SVEP1: variants seen among roughly 807,000 people sequenced by gnomAD.
SVEP1 encodes the protein sushi, von Willebrand factor type A, EGF and pentraxin domain-containing protein 1.
In SVEP1, 164 loss-of-function variants were observed where a neutral mutation model predicts 367.3. The ratio of observed to expected loss-of-function variants is 0.45; its 90% CI spans 0.39 to 0.51. SVEP1 has a LOEUF of 0.51. SVEP1 is among the 20% of genes least tolerant of loss of function. The pLI, the probability that SVEP1 is intolerant of heterozygous loss-of-function variation, is 0.00. For missense variants in SVEP1, 4,117 were observed against 4,425.3 expected, an observed-to-expected ratio of 0.93 and a Z score of 1.98; for synonymous variants, 1,666 against 1,611.6, an observed-to-expected ratio of 1.03 and a Z score of -0.81.
intron 8 of SVEP1, among the ~76,000 whole-genome samples, chr9:110,494,445 T>C (rs1342000994): frequency 6.6e-6 from 1 of 152,204 alleles, no homozygotes; most frequent in African/African-American, 2.4e-5. Context: ...GAAAGAACTA[T>C]TGGTATACCC....
At chr9:110,473,538 C>A (rs771774690) in intron 14 of SVEP1, among the ~76,000 whole-genome samples, 3 of 152,088 alleles carry the variant, frequency 2.0e-5, no homozygotes, top group Non-Finnish European at 2.9e-5. Flanking sequence ...ATTTAGTAAT[C>A]TTTTTCAAAT....
chr9:110,398,334 A>T (rs1827801766), intron 40 of SVEP1, among the ~76,000 whole-genome samples: 1 of 152,244 alleles, frequency 6.6e-6, no homozygotes, highest in Non-Finnish European at 1.5e-5. Context: ...CTTACACAAA[A>T]AATTAATTCA....
intron 16 of SVEP1, among the ~76,000 whole-genome samples, chr9:110,470,489 G>A (rs995255391): frequency 4.6e-5 from 7 of 151,862 alleles, no homozygotes; most frequent in African/African-American, 1.7e-4. Flanking sequence ...CTGGAGTGCA[G>A]TGGCGCAATC....
intron 26 of SVEP1, among the ~76,000 whole-genome samples, 179 bp from the exon 27 acceptor site, chr9:110,443,899 T>C (rs1417052972): frequency 6.6e-6 from 1 of 152,220 alleles, no homozygotes; most frequent in South Asian, 2.1e-4. Flanking sequence ...TTTGATTTAC[T>C]AATTATACTT....
In SVEP1 at chr9:110,552,692, G is replaced by A. The variant is rs77563094; in HGVS notation, c.532-2588C>T. Among the ~76,000 whole-genome samples the A allele has an allele frequency of 7.7e-3, 1,175 of 152,124 alleles. 4 individuals carry two copies. The highest frequency in any genetic ancestry group is 0.012 in the Non-Finnish European group (786 of 68,012). On this transcript the variant is annotated intron_variant, in intron 1 of 47. Transcript: ENST00000374469. The stretch of plus-strand genomic sequence containing the variant: ...ATCTAATGCTGCCGCTGATCTGACC[G>A]AAGGCAGAGCTCAGGTGGTAATGCT...
chr9:110,482,472 T>C lies in SVEP1; in HGVS notation c.2059A>G (p.Arg687Gly). ...DNSGAELVIT[R>G]SHTQGDLFPQ... Reference sequence around the variant, plus strand: ...AAAAGGTCTCCTTGTGTATGACTTCTGGTAATGACCAATTCAGCCCCTGGA... The same window carrying C: ...AAAAGGTCTCCTTGTGTATGACTTCCGGTAATGACCAATTCAGCCCCTGGA... The change falls in exon 11 of 48, where the codon AGA becomes GGA. Residue 687 changes from arginine to glycine, a missense_variant. Arg to Gly is a moderately radical substitution (Grantham distance 125). Coordinates refer to ENST00000374469, the MANE Select transcript of SVEP1 (RefSeq NM_153366.4). The C allele has an allele frequency of 6.3e-7, 1 of 1,578,164 alleles. No homozygotes were observed. The highest frequency in any genetic ancestry group is 8.6e-7 in the Non-Finnish European group (1 of 1,160,454).
chr9:110,411,367 C>T lies in SVEP1; in HGVS notation c.6344G>A (p.Gly2115Asp). 1 of 1,614,038 alleles carries T rather than the reference C, an allele frequency of 6.2e-7. No individual in the cohort carries two copies. Among genetic ancestry groups the T allele is most frequent in the Non-Finnish European group, 8.5e-7 (1 of 1,179,906 alleles). ...GSVVSFKCME[G>D]FVLNTSAKIE... Reference sequence around the variant, plus strand: ...CTTTGCTGAGGTGTTCAGTACAAAGCCTTCCATGCATTTAAAGCTCACAAC... The same window carrying T: ...CTTTGCTGAGGTGTTCAGTACAAAGTCTTCCATGCATTTAAAGCTCACAAC... Residue 2115 changes from glycine (G) to aspartate (D), a missense_variant, in exon 37 of 48, where the codon GGC (glycine) becomes GAC (aspartate). Gly to Asp is a moderately conservative substitution (Grantham distance 94, BLOSUM62 -1). Around this residue, in one of 4 missense-constraint regions of SVEP1, gnomAD observed 2,174 missense variants for 2,494.3 expected, o/e 0.87. Coordinates refer to ENST00000374469, the MANE Select transcript of SVEP1 (RefSeq NM_153366.4).
At chr9:110,543,367 A>G (rs1444362407) in intron 3 of SVEP1, among the ~76,000 whole-genome samples, 1 of 152,198 alleles carries the variant, frequency 6.6e-6, no homozygotes, top group Non-Finnish European at 1.5e-5. Flanking sequence ...AAGGGCAGGG[A>G]TGGATAAACT....
At chr9:110,400,718 T>TA (rs2118993447) in intron 40 of SVEP1, 136 bp downstream of exon 40, 2 of 971,842 alleles carry the variant, frequency 2.1e-6, no homozygotes, top group Middle Eastern at 3.4e-4. Context: ...TGGAAAATGT[T>TA]AGAGTATAAG....
At chr9:110,541,875 ATATATATCTATATACATAGATATC>A (rs1830154526) in intron 3 of SVEP1, among the ~76,000 whole-genome samples, 3 of 142,360 alleles carry the variant, frequency 2.1e-5, no homozygotes, top group Non-Finnish European at 3.0e-5. Context: ...ATAGATATCT[ATATATATCTATATACATAGATATC>A]TATATATATC....
chr9:110,458,671 T>C (rs1252712015), intron 19 of SVEP1, 109 bp from the exon 20 acceptor site: 3 of 1,115,604 alleles, frequency 2.7e-6, no homozygotes, highest in Non-Finnish European at 3.8e-6. Context: ...AAGCCACATA[T>C]ATTTTGTTTC....
At chr9:110,369,023 T>C (rs1341341701) in intron 47 of SVEP1, among the ~76,000 whole-genome samples, 2 of 152,224 alleles carry the variant, frequency 1.3e-5, no homozygotes, top group East Asian at 3.8e-4. Flanking sequence ...AAAATGAATA[T>C]GGAAATACCC....
intron 22 of SVEP1, among the ~76,000 whole-genome samples, chr9:110,454,313 G>C (rs1443701484): frequency 6.6e-6 from 1 of 152,234 alleles, no homozygotes; most frequent in African/African-American, 2.4e-5. Context: ...GTATTCCCTA[G>C]GTTTTCTTCT....
chr9:110,400,781 T>C, intron 40 of SVEP1, 73 bp downstream of exon 40: 1 of 1,463,082 alleles, frequency 6.8e-7, no homozygotes. Flanking sequence ...AACAAATTTG[T>C]GCTAATACTG....
chr9:110,426,292 C>T (rs1410050), intron 36 of SVEP1, among the ~76,000 whole-genome samples: 129,930 of 152,252 alleles, frequency 0.85, 56,003 homozygotes, highest in African/African-American at 0.97. Flanking sequence ...TGGTTTTCTA[C>T]TCCTGTGAAG....
chr9:110,458,518 G>T lies in SVEP1; in HGVS notation c.3529C>A (p.Pro1177Thr). The stretch of plus-strand genomic sequence containing the variant: ...TTTTTAATATGTCCAAGAGAGGCAG[G>T]GGGCACCACACTTTCCTCTGCCGCT... ...FSAAEESVVPPASLGHIKKRH... is the reference protein window; with the variant it reads ...FSAAEESVVPTASLGHIKKRH... Residue 1177 changes from proline (P) to threonine (T), a missense_variant, in exon 20 of 48, where the codon CCT becomes ACT. Transcript: ENST00000374469. The T allele has an allele frequency of 6.2e-7, 1 of 1,612,944 alleles. No homozygotes were observed. Among genetic ancestry groups the T allele is most frequent in the Non-Finnish European group, 8.5e-7 (1 of 1,179,556 alleles).
intron 47 of SVEP1, among the ~76,000 whole-genome samples, chr9:110,367,355 G>A (rs1352730422): frequency 6.6e-6 from 1 of 152,012 alleles, no homozygotes; most frequent in Non-Finnish European, 1.5e-5. Flanking sequence ...GTAGAGATGG[G>A]ATCTTCCTAT....
Position 110,407,346 on chromosome 9 carries a change from A to G in SVEP1, c.8254T>C (p.Ser2752Pro). Reference sequence around the variant, plus strand: ...TTCTCTAGACAAAGCCTTAAGTCAGAGCCTGCTAGAATGTGTCCAGGTTTA... The same window carrying G: ...TTCTCTAGACAAAGCCTTAAGTCAGGGCCTGCTAGAATGTGTCCAGGTTTA... Reference protein sequence around the residue: ...SCKPGHILAGSDLRLCLENRK... With the variant: ...SCKPGHILAGPDLRLCLENRK... The change falls in exon 38 of 48, where the codon TCT (serine) becomes CCT (proline). Residue 2752 changes from serine (S) to proline (P), a missense_variant. By Grantham distance (74) the Ser-to-Pro change is moderately conservative. Coordinates refer to ENST00000374469, the MANE Select transcript of SVEP1 (RefSeq NM_153366.4). The G allele has an allele frequency of 6.2e-7, 1 of 1,614,002 alleles. No individual in the cohort carries two copies. The highest frequency in any genetic ancestry group is 1.3e-5 in the African/African-American group (1 of 75,056).
intron 1 of SVEP1, among the ~76,000 whole-genome samples, chr9:110,554,776 T>C (rs892408376): frequency 4.0e-5 from 6 of 151,592 alleles, no homozygotes; most frequent in African/African-American, 1.5e-4. Flanking sequence ...ACATTTTCAG[T>C]TAGTACACAT....
Sources: gnomAD v4.1 joint callset for allele counts (sites outside exome capture counted in the v4.1 genomes callset) on GRCh38, gnomAD v4.1.1 for gene constraint, gnomAD v4.1.1 regional missense constraint, MANE v1.5 for transcripts, NCBI Gene and HGNC (gene_info 2026-07-23, HGNC 2026-07-21) for gene names.